The following CEP350 variants were observed in gnomAD, a reference collection of about 807,000 sequenced individuals.
CEP350 encodes centrosomal protein 350, also known as centrosome-associated protein 350.
CEP350 carries 126 observed loss-of-function variants against 331.8 expected under a neutral mutation model. That is an observed-to-expected ratio of 0.38 (90% CI 0.33 to 0.44). The LOEUF is 0.44. CEP350 is among the 20% of genes least tolerant of loss of function. CEP350 has a pLI of 1.00. For missense variants in CEP350, 3,406 were observed against 3,634.6 expected, an observed-to-expected ratio of 0.94 and a Z score of 1.62; for synonymous variants, 1,200 against 1,259.5, an observed-to-expected ratio of 0.95 and a Z score of 1.00.
In CEP350 at chr1:180,062,295, G is replaced by A. The variant is rs1658273707; in HGVS notation, c.5338G>A (p.Glu1780Lys). 1.2e-6 allele frequency: 2 copies of A among 1,611,052 alleles called. No individual in the cohort carries two copies. Among genetic ancestry groups the A allele is most frequent in the South Asian group, 1.1e-5 (1 of 90,446 alleles). Residue 1780 changes from glutamate to lysine, a missense_variant, in exon 26 of 38, where the codon GAG (glutamate) becomes AAG (lysine). Physicochemically the swap from Glu to Lys is moderately conservative, Grantham distance 56. Around this residue, in one of 5 missense-constraint regions of CEP350, gnomAD observed 1,415 missense variants for 1,512.3 expected, o/e 0.94. Coordinates refer to ENST00000367607, the MANE Select transcript of CEP350 (RefSeq NM_014810.5). The stretch of plus-strand genomic sequence containing the variant: ...ACAGCTGATTCTTAAACAGCAGGAG[G>A]AGATAGAAAAGATCCGACAGACCAC... ...ERQLILKQQE[E>K]IEKIRQTTIK...
rs151316664 is a variant in CEP350 at position 180,014,234 on chromosome 1, A to G, written c.1781A>G (p.Asp594Gly). The G allele has an allele frequency of 5.0e-6, 8 of 1,610,736 alleles. No individual in the cohort carries two copies. The African/African-American group carries it at 9.3e-5, about 19-fold the overall frequency. The change falls in exon 10 of 38, where the codon GAT becomes GGT. Residue 594 changes from aspartate to glycine, a missense_variant. Transcript: ENST00000367607. ...TCCAAAAGGCGCCACTATGACACAG[A>G]TGAGGTACGACAGTACATTGTTAGG... The part of the protein sequence containing the change: ...VISKRRHYDT[D>G]EVRQYIVRQQ...
intron 8 of CEP350, among the ~76,000 whole-genome samples, chr1:180,010,107 T>A (rs1186271151): frequency 6.6e-6 from 1 of 152,068 alleles, no homozygotes; most frequent in African/African-American, 2.4e-5. Flanking sequence ...TTTATTTAAA[T>A]TTTTTTGTAT....
At chr1:179,988,051 C>G (rs139312265) in intron 3 of CEP350, among the ~76,000 whole-genome samples, 249 of 152,224 alleles carry the variant, frequency 1.6e-3, no homozygotes, top group African/African-American at 5.9e-3. Flanking sequence ...AATCCCAGCA[C>G]TTTGGAAGGC....
chr1:180,031,782 A>G (rs536183123), intron 15 of CEP350, among the ~76,000 whole-genome samples: 6 of 152,132 alleles, frequency 3.9e-5, no homozygotes, highest in South Asian at 2.1e-4. Flanking sequence ...CGTTGTTACA[A>G]TTGTTTTCTT....
chr1:180,072,152 A>T (rs16855259), intron 27 of CEP350, among the ~76,000 whole-genome samples: 5,398 of 152,282 alleles, frequency 0.035, 180 homozygotes, highest in African/African-American at 0.072. Flanking sequence ...AATAAGGAAC[A>T]TGTTTATGGA....
In CEP350 at chr1:180,003,286, A is replaced by C. The variant is rs1184459578; in HGVS notation, c.1131A>C (p.Ala377=). The C allele has an allele frequency of 1.3e-6, 2 of 1,574,956 alleles. No individual in the cohort carries two copies. Among genetic ancestry groups the C allele is most frequent in the South Asian group, 2.3e-5 (2 of 88,018 alleles). The change falls in exon 7 of 38, where the codon GCA becomes GCC. Residue 377 remains alanine, a splice_region_variant and synonymous_variant. Coordinates refer to ENST00000367607, the MANE Select transcript of CEP350 (RefSeq NM_014810.5). ...ATCGAGATTTAGCACTTCACTTTGC[A>C]GGTGAGAATAGAGCTTTCTTATGTT... ...ELYRDLALHF[A]DDISIKEKPA...
rs535486583 is a variant in CEP350 at position 179,986,624 on chromosome 1, G to T, written c.73+370G>T. On this transcript the variant is annotated intron_variant, in intron 2 of 37. Coordinates refer to ENST00000367607, the MANE Select transcript of CEP350 (RefSeq NM_014810.5). ...ATAATGCATTAGAGGTAATTTTAAGGCATTGATATTTTTTGAGGGAGATTG... is the reference window on the plus strand; with the variant it reads ...ATAATGCATTAGAGGTAATTTTAAGTCATTGATATTTTTTGAGGGAGATTG... Among the ~76,000 whole-genome samples the T allele has an allele frequency of 2.8e-4, 43 of 152,150 alleles. No homozygotes were observed. In the South Asian group the frequency reaches 5.0e-3, roughly 18 times the overall value.
rs752464726 is a variant in CEP350, at chr1:179,987,256, G to A, written c.90G>A (p.Ser30=). Reference sequence around the variant, plus strand: ...TTTTCCCAGCAGATATAACCACATCGTGGGATGCACTTTCTCAAACCAAGG... The same window carrying A: ...TTTTCCCAGCAGATATAACCACATCATGGGATGCACTTTCTCAAACCAAGG... ...KDTVQADITT[S]WDALSQTKAA... is the part of the protein sequence containing the mutation. Residue 30 remains serine (S), a synonymous_variant, in exon 3 of 38, where the codon TCG becomes TCA. Coordinates refer to ENST00000367607, the MANE Select transcript of CEP350 (RefSeq NM_014810.5). The A allele has an allele frequency of 4.4e-5, 68 of 1,560,160 alleles. No individual in the cohort carries two copies. Among genetic ancestry groups the A allele is most frequent in the Middle Eastern group, 1.7e-4 (1 of 5,982 alleles).
intron 8 of CEP350, among the ~76,000 whole-genome samples, chr1:180,007,859 TGTG>T (rs1185489433): frequency 2.6e-5 from 4 of 151,360 alleles, no homozygotes; most frequent in African/African-American, 9.7e-5. Flanking sequence ...TGTGTGTGTG[TGTG>T]TGTGTGTGTG....
chr1:180,062,269 G>A lies in CEP350; in HGVS notation c.5312G>A (p.Arg1771Lys). 1 of 1,610,516 alleles carries A rather than the reference G, an allele frequency of 6.2e-7. No individual in the cohort carries two copies. Among genetic ancestry groups the A allele is most frequent in the East Asian group, 2.2e-5 (1 of 44,788 alleles). The change falls in exon 26 of 38, where the codon AGA (arginine) becomes AAA (lysine). Residue 1771 changes from arginine to lysine, a missense_variant. Arg to Lys is a conservative substitution (Grantham distance 26, BLOSUM62 2). This residue lies in a region of CEP350 where 1,415 missense variants were observed against 1,512.3 expected (regional missense o/e 0.94). Transcript: ENST00000367607. ...QEANKAARKE[R>K]QLILKQQEEI... ...GCCAATAAGGCAGCTCGGAAGGAAA[G>A]ACAGCTGATTCTTAAACAGCAGGAG...
intron 14 of CEP350, among the ~76,000 whole-genome samples, chr1:180,026,782 T>C (rs1453125788): frequency 1.3e-5 from 2 of 152,236 alleles, no homozygotes; most frequent in Non-Finnish European, 2.9e-5. Context: ...TCATCTATGT[T>C]GCAGCATGTA....
At chr1:180,047,790 G>T (rs1181015860) in intron 21 of CEP350, among the ~76,000 whole-genome samples, 1 of 148,014 alleles carries the variant, frequency 6.8e-6, no homozygotes, top group Non-Finnish European at 1.5e-5. Flanking sequence ...AAAAGAAAAG[G>T]ACCAAAACAG....
intron 12 of CEP350, 132 bp from the exon 13 acceptor site, chr1:180,022,566 T>C: frequency 1.5e-6 from 1 of 671,470 alleles, no homozygotes; most frequent in Admixed American, 3.1e-5. Flanking sequence ...TAAAGGTAAA[T>C]AGAAAAGAGG....
In CEP350 at chr1:180,075,063, A is replaced by G; in HGVS notation, c.5609A>G (p.Gln1870Arg). The change falls in exon 28 of 38, where the codon CAA becomes CGA. Residue 1870 changes from glutamine (Q) to arginine (R), a missense_variant. By Grantham distance (43) the Gln-to-Arg change is conservative. This residue lies in a region of CEP350 where 1,415 missense variants were observed against 1,512.3 expected (regional missense o/e 0.94). Transcript: ENST00000367607. ...KREQKLMQRR[Q>R]HAEELLEWKR... ...GAGCAAAAATTAATGCAACGGCGAC[A>G]ACATGCAGAGGAGCTCCTAGAGTGG... is the stretch of plus-strand genomic sequence containing the variant. The G allele has an allele frequency of 1.9e-6, 3 of 1,613,064 alleles. No homozygotes were observed. Among genetic ancestry groups the G allele is most frequent in the Non-Finnish European group, 2.5e-6 (3 of 1,179,524 alleles).
intron 4 of CEP350, among the ~76,000 whole-genome samples, chr1:179,991,667 A>ATGTGTG (rs751570955): frequency 0.076 from 6,818 of 89,990 alleles, 408 homozygotes; most frequent in East Asian, 0.14. Flanking sequence ...ATATATATAT[A>ATGTGTG]TGTGTGTGTG....
chr1:180,029,994 G>T (rs1298926830), intron 14 of CEP350, among the ~76,000 whole-genome samples: 1 of 152,026 alleles, frequency 6.6e-6, no homozygotes, highest in East Asian at 1.9e-4. Flanking sequence ...GTGTCAGAAT[G>T]TTCTTCCTTT....
intron 20 of CEP350, 40 bp from the exon 21 acceptor site, chr1:180,044,011 G>T: frequency 1.4e-6 from 2 of 1,479,198 alleles, no homozygotes; most frequent in Non-Finnish European, 1.8e-6. Context: ...TCTGTTATTA[G>T]AGACTTTGAA....
At chr1:179,974,249 T>C (rs1037962961) in intron 1 of CEP350, among the ~76,000 whole-genome samples, 10 of 152,100 alleles carry the variant, frequency 6.6e-5, no homozygotes, top group African/African-American at 2.4e-4. Context: ...CTGGCTAATT[T>C]TTTGGTATTT....
intron 25 of CEP350, among the ~76,000 whole-genome samples, chr1:180,055,612 G>A (rs1032090653): frequency 1.4e-5 from 2 of 138,532 alleles, no homozygotes; most frequent in Admixed American, 8.0e-5. Context: ...CTGCAGTGGC[G>A]CTATCTCGGC....
Sources: allele counts gnomAD v4.1 joint callset (sites outside exome capture counted in the v4.1 genomes callset), GRCh38; gene constraint gnomAD v4.1.1; regional missense constraint gnomAD v4.1.1; transcripts MANE v1.5; gene names NCBI Gene and HGNC (gene_info 2026-07-23, HGNC 2026-07-21).